The following UBR3 variants were observed in gnomAD, a reference collection of about 807,000 sequenced individuals.
The protein encoded by UBR3 is E3 ubiquitin-protein ligase UBR3.
In UBR3, 85 loss-of-function variants were observed where a neutral mutation model predicts 243.2. The ratio of observed to expected loss-of-function variants is 0.35; its 90% CI spans 0.29 to 0.42. The LOEUF (loss-of-function observed/expected upper bound fraction) is 0.42, where lower values mean the gene tolerates loss of function less well. Ranked by LOEUF, UBR3 falls within the 10% of genes least tolerant of loss-of-function variation. UBR3 has a pLI of 1.00. For missense variants in UBR3, 1,686 were observed against 2,300.8 expected (o/e 0.73, Z 5.47); for synonymous variants, 748 against 799.8 (o/e 0.94, Z 1.09).
chr2:169,921,129 T>C (rs1189374653), intron 11 of UBR3, among the ~76,000 whole-genome samples: 1 of 152,196 alleles, frequency 6.6e-6, no homozygotes, highest in Non-Finnish European at 1.5e-5. Context: ...CATTTCATAT[T>C]TAAATTACTG....
chr2:170,047,445 A>C (rs1301832379), intron 32 of UBR3, among the ~76,000 whole-genome samples: 1 of 152,194 alleles, frequency 6.6e-6, no homozygotes, highest in Non-Finnish European at 1.5e-5. Flanking sequence ...AGATTTTCAA[A>C]AGGATTTTGA....
At position 169,947,605 on chromosome 2, in the gene UBR3, A is replaced by G. The variant is rs1047111350; in HGVS notation, c.2974A>G (p.Asn992Asp). ...GTTTCCTGGCAGTAACTTAGTGTCA[A>G]ACATGCGACACTTTATAAACTATGT... ...SWFPGSNLVS[N>D]MRHFINYVRV... The change falls in exon 22 of 39, where the codon AAC (asparagine) becomes GAC (aspartate). Residue 992 changes from asparagine to aspartate, a missense_variant. Transcript: ENST00000272793. 20 of 1,534,236 alleles carry G rather than the reference A, an allele frequency of 1.3e-5. No individual in the cohort carries two copies. The highest frequency in any genetic ancestry group is 1.8e-5 in the Non-Finnish European group (20 of 1,138,602).
chr2:169,837,570 T>C (rs904861013), intron 1 of UBR3, among the ~76,000 whole-genome samples: 2 of 152,100 alleles, frequency 1.3e-5, no homozygotes, highest in African/African-American at 2.4e-5. Flanking sequence ...GGGGAGGCCT[T>C]AGGAAACGTA....
chr2:169,972,174 T>C (rs1005071505), intron 24 of UBR3, among the ~76,000 whole-genome samples: 5 of 152,304 alleles, frequency 3.3e-5, no homozygotes, highest in African/African-American at 1.2e-4. Flanking sequence ...AAGAAATTGA[T>C]AAATTCCTCG....
chr2:169,878,133 G>T (rs868083695), intron 4 of UBR3, among the ~76,000 whole-genome samples: 17 of 152,260 alleles, frequency 1.1e-4, no homozygotes, highest in Middle Eastern at 3.4e-3. Flanking sequence ...GGCCGAGGTG[G>T]GTGGATCACC....
intron 11 of UBR3, among the ~76,000 whole-genome samples, chr2:169,918,397 A>G (rs1244873739): frequency 1.3e-5 from 2 of 151,444 alleles, no homozygotes; most frequent in Admixed American, 6.6e-5. Context: ...AGAGGCACAT[A>G]TTACATGTGT....
intron 30 of UBR3, among the ~76,000 whole-genome samples, chr2:170,019,362 A>G (rs1239633252): frequency 2.6e-5 from 4 of 152,170 alleles, no homozygotes; most frequent in Admixed American, 1.3e-4. Flanking sequence ...CTACTTGCTC[A>G]AAGAGTGAAT....
intron 8 of UBR3, among the ~76,000 whole-genome samples, chr2:169,899,553 G>A (rs2084730299): frequency 6.6e-6 from 1 of 151,936 alleles, no homozygotes; most frequent in Admixed American, 6.6e-5. Flanking sequence ...TACATGTACA[G>A]AATGCGCAGG....
chr2:170,069,428 C>T (rs2091649663), intron 35 of UBR3, among the ~76,000 whole-genome samples: 1 of 152,030 alleles, frequency 6.6e-6, no homozygotes, highest in Non-Finnish European at 1.5e-5. Flanking sequence ...TCCATAATCT[C>T]ACATAGTTAT....
intron 36 of UBR3, chr2:170,078,029 C>A (rs74346596): frequency 0.025 from 17,164 of 686,494 alleles, 570 homozygotes; most frequent in African/African-American, 0.12. Context: ...CCCTCTCTGT[C>A]CAGCAGATAG....
chr2:169,929,752 CA>C (rs2086049226), intron 18 of UBR3, among the ~76,000 whole-genome samples: 1 of 152,318 alleles, frequency 6.6e-6, no homozygotes, highest in South Asian at 2.1e-4. Flanking sequence ...TTGATTTACA[CA>C]GTCTTTTTTT....
intron 32 of UBR3, among the ~76,000 whole-genome samples, chr2:170,054,100 C>T (rs182390849): frequency 6.6e-6 from 1 of 152,248 alleles, no homozygotes; most frequent in African/African-American, 2.4e-5. Context: ...ATTGTTACTA[C>T]TATTTCATAT....
At chr2:170,016,977 CCT>C (rs1559190142) in intron 30 of UBR3, 31 of 385,304 alleles carry the variant, frequency 8.0e-5, no homozygotes, top group African/African-American at 6.4e-4. Flanking sequence ...ACTTATTTAT[CCT>C]AATATTAATA....
At chr2:169,836,160 T>C (rs997553983) in intron 1 of UBR3, among the ~76,000 whole-genome samples, 2 of 140,758 alleles carry the variant, frequency 1.4e-5, no homozygotes, top group Admixed American at 7.5e-5. Context: ...CTCGGCTCAC[T>C]GCAACCTCCG....
At chr2:169,952,659 C>A (rs2087090943) in intron 23 of UBR3, among the ~76,000 whole-genome samples, 1 of 151,936 alleles carries the variant, frequency 6.6e-6, no homozygotes, top group South Asian at 2.1e-4. Context: ...CGCGCTGCTG[C>A]ACTCCAGCCT....
chr2:169,837,615 C>G (rs1204776596), intron 1 of UBR3, among the ~76,000 whole-genome samples: 1 of 152,190 alleles, frequency 6.6e-6, no homozygotes, highest in East Asian at 1.9e-4. Flanking sequence ...CACAGAGCAG[C>G]AGGGGGGGAG....
chr2:170,067,351 A>T (rs1283037853), intron 35 of UBR3, among the ~76,000 whole-genome samples: 1 of 152,238 alleles, frequency 6.6e-6, no homozygotes, highest in Non-Finnish European at 1.5e-5. Flanking sequence ...TGCACAAAAT[A>T]ACAGTGCCCC....
At chr2:169,971,634 G>T (rs1411040067) in intron 24 of UBR3, among the ~76,000 whole-genome samples, 1 of 152,076 alleles carries the variant, frequency 6.6e-6, no homozygotes, top group Non-Finnish European at 1.5e-5. Flanking sequence ...TCAGATAGTT[G>T]TAGATATGCA....
At chr2:170,080,787 A>C (rs2091892519) in intron 38 of UBR3, 103 bp downstream of exon 38, 1 of 1,245,448 alleles carries the variant, frequency 8.0e-7, no homozygotes, top group African/African-American at 1.5e-5. Context: ...TAATATTAAG[A>C]AATTCTGACA....
Sources: gnomAD v4.1 joint callset for allele counts (sites outside exome capture counted in the v4.1 genomes callset) on GRCh38, gnomAD v4.1.1 for gene constraint, MANE v1.5 for transcripts, NCBI Gene and HGNC (gene_info 2026-07-23, HGNC 2026-07-21) for gene names.